LIMS1: variants seen among roughly 807,000 people sequenced by gnomAD.
LIMS1 encodes the protein LIM and senescent cell antigen-like-containing domain protein 1.
LIMS1 carries 18 observed loss-of-function variants against 44.1 expected under a neutral mutation model. The ratio of observed to expected loss-of-function variants is 0.41; its 90% CI spans 0.28 to 0.61. LIMS1 has a LOEUF of 0.61. Among genes scored for constraint, LIMS1 ranks in the 20% least tolerant of loss-of-function variants. The pLI is 0.32. For missense variants in LIMS1, 201 were observed against 422.0 expected, an observed-to-expected ratio of 0.48 and a Z score of 4.59; for synonymous variants, 93 against 149.1, an observed-to-expected ratio of 0.62 and a Z score of 2.74.
intron 1 of LIMS1, among the ~76,000 whole-genome samples, chr2:108,650,468 A>G (rs1187293241): frequency 1.4e-5 from 2 of 146,054 alleles, no homozygotes; most frequent in African/African-American, 2.5e-5. Flanking sequence ...CCCAGGCTTG[A>G]GTGCAGTTGC....
chr2:108,673,560 T>A (rs892754354), intron 5 of LIMS1: 3 of 166,758 alleles, frequency 1.8e-5, no homozygotes, highest in Non-Finnish European at 3.9e-5. Context: ...CTAATTTTTT[T>A]AAATTTTTTG....
At chr2:108,596,146 A>T (rs892894917) in intron 1 of LIMS1, among the ~76,000 whole-genome samples, 2 of 152,248 alleles carry the variant, frequency 1.3e-5, no homozygotes, top group Non-Finnish European at 2.9e-5. Flanking sequence ...CCCTGTAGCC[A>T]TTCAGCGGCC....
At chr2:108,679,802 C>T (rs1692829748) in intron 8 of LIMS1, among the ~76,000 whole-genome samples, 2 of 152,090 alleles carry the variant, frequency 1.3e-5, no homozygotes, top group Admixed American at 1.3e-4. Context: ...ATGGTCCCAG[C>T]TACACAGGAG....
intron 1 of LIMS1, among the ~76,000 whole-genome samples, chr2:108,577,916 G>T (rs1473818518): frequency 1.3e-5 from 2 of 152,018 alleles, no homozygotes; most frequent in Admixed American, 6.6e-5. Flanking sequence ...GTTTTGTTTT[G>T]TTTTTTGAGA....
chr2:108,551,951 G>GTATATATATA (rs1236593437), intron 1 of LIMS1, among the ~76,000 whole-genome samples: 1 of 128,334 alleles, frequency 7.8e-6, no homozygotes, highest in Non-Finnish European at 1.6e-5. Context: ...GTGTGTGTGT[G>GTATATATATA]TGTATATATA....
chr2:108,667,551 A>AAAAAAATAT (rs765279788), intron 2 of LIMS1, among the ~76,000 whole-genome samples: 93 of 130,462 alleles, frequency 7.1e-4, no homozygotes, highest in Non-Finnish European at 1.2e-3. Context: ...AAAAAAAAAA[A>AAAAAAATAT]ATATATATAT....
intron 1 of LIMS1, among the ~76,000 whole-genome samples, chr2:108,572,572 G>T (rs2104634777): frequency 6.6e-6 from 1 of 152,118 alleles, no homozygotes; most frequent in Non-Finnish European, 1.5e-5. Context: ...TTTTAGTACA[G>T]ACAGGGTTTC....
chr2:108,563,284 A>G (rs142658572), intron 1 of LIMS1, among the ~76,000 whole-genome samples: 2 of 152,378 alleles, frequency 1.3e-5, no homozygotes, highest in Admixed American at 6.5e-5. Context: ...AATAAATTGC[A>G]TAGGCTATAT....
chr2:108,552,585 G>GGTGTGTGTGTGTGTGT lies in LIMS1; in HGVS notation c.32+18004_32+18019dup, dbSNP rs151262934. ...TTGGGGTGTATATATATATATTTTGGGTGTGTGTGTGTGTGTGTGTGTGTG... is the reference window on the plus strand; with the variant it reads ...TTGGGGTGTATATATATATATTTTGGGTGTGTGTGTGTGTGTGTGTGTGTGTGTGTGTGTGTGTGTG... On this transcript the variant is annotated intron_variant, in intron 1 of 9. Coordinates refer to ENST00000544547, the Ensembl canonical transcript of LIMS1. 1.6e-3 allele frequency among the ~76,000 whole-genome samples: 165 copies of GGTGTGTGTGTGTGTGT among 101,906 alleles called. 1 individual carries two copies. The highest frequency in any genetic ancestry group is 4.6e-3 in the African/African-American group (152 of 32,908). The allele number at this position is 101,906 out of a possible 152,430, so 66.9% of individuals were successfully genotyped here.
At chr2:108,628,126 T>C (rs920224409) in intron 1 of LIMS1, among the ~76,000 whole-genome samples, 2 of 152,236 alleles carry the variant, frequency 1.3e-5, no homozygotes, top group Non-Finnish European at 2.9e-5. Context: ...TTTCTGCCCT[T>C]GTGGTCATAA....
At chr2:108,638,429 T>C (rs1296484089) in intron 1 of LIMS1, among the ~76,000 whole-genome samples, 1 of 152,182 alleles carries the variant, frequency 6.6e-6, no homozygotes, top group African/African-American at 2.4e-5. Context: ...GACAGTGTGC[T>C]TGGTGCCATG....
At position 108,661,472 on chromosome 2, in the gene LIMS1, G is replaced by A. The variant is rs142797435; in HGVS notation, c.192+1708G>A. ...GGCAAGGATGATGGATTTAGGGATGGGCAAATGACAGTTGTGAAGATGGAC... is the reference window on the plus strand; with the variant it reads ...GGCAAGGATGATGGATTTAGGGATGAGCAAATGACAGTTGTGAAGATGGAC... On this transcript the variant is annotated intron_variant, in intron 2 of 9. Coordinates refer to ENST00000544547, the Ensembl canonical transcript of LIMS1. Among the ~76,000 whole-genome samples, 26 of 152,090 alleles carry A rather than the reference G, an allele frequency of 1.7e-4. 2 individuals carry two copies. The East Asian group carries it at 5.0e-3, about 29-fold the overall frequency.
chr2:108,595,147 G>A (rs755029900), intron 1 of LIMS1, among the ~76,000 whole-genome samples: 15 of 152,224 alleles, frequency 9.9e-5, no homozygotes, highest in East Asian at 5.8e-4. Flanking sequence ...ACTGCCAGTC[G>A]TGACCACAGG....
chr2:108,658,868 T>A (rs564610948), intron 1 of LIMS1, among the ~76,000 whole-genome samples: 193 of 152,206 alleles, frequency 1.3e-3, no homozygotes, highest in African/African-American at 4.5e-3. Flanking sequence ...GACAGTGTGA[T>A]TTTATGAGCA....
At chr2:108,539,830 G>A (rs1470193663) in intron 1 of LIMS1, among the ~76,000 whole-genome samples, 2 of 152,008 alleles carry the variant, frequency 1.3e-5, no homozygotes, top group Non-Finnish European at 2.9e-5. Flanking sequence ...GACTTATACT[G>A]CTGCTAATGG....
intron 1 of LIMS1, chr2:108,621,211 TCAG>T (rs1194578125): frequency 7.1e-7 from 1 of 1,417,476 alleles, no homozygotes; most frequent in Non-Finnish European, 9.4e-7. Context: ...AAGCTGTGCT[TCAG>T]CAGCTTGGTC....
At chr2:108,577,763 T>C (rs1459176035) in intron 1 of LIMS1, among the ~76,000 whole-genome samples, 3 of 152,224 alleles carry the variant, frequency 2.0e-5, no homozygotes, top group Admixed American at 1.3e-4. Context: ...TGTTTAGCAT[T>C]TCTGGGAACT....
chr2:108,659,925 T>G (rs11691089), intron 2 of LIMS1, 161 bp downstream of exon 2: 128,715 of 614,488 alleles, frequency 0.21, 2 homozygotes, highest in East Asian at 0.24. Context: ...AGAGGTGGCA[T>G]CTCTATGGCC....
chr2:108,636,941 C>T (rs1372068487), intron 1 of LIMS1, among the ~76,000 whole-genome samples: 1 of 152,140 alleles, frequency 6.6e-6, no homozygotes, highest in Non-Finnish European at 1.5e-5. Context: ...GGTTGACCTC[C>T]TGACCTTATA....
Sources: allele counts gnomAD v4.1 joint callset (sites outside exome capture counted in the v4.1 genomes callset), GRCh38; gene constraint gnomAD v4.1.1; transcripts MANE v1.5; gene names NCBI Gene and HGNC (gene_info 2026-07-23, HGNC 2026-07-21).